SCAF8: variants seen among roughly 807,000 people sequenced by gnomAD.
The protein encoded by SCAF8 is SR-related CTD associated factor 8.
SCAF8 carries 23 observed loss-of-function variants against 140.5 expected under a neutral mutation model. The observed-to-expected ratio is 0.16, with a 90% CI of 0.12 to 0.23. The LOEUF (loss-of-function observed/expected upper bound fraction) is 0.23. Among genes scored for constraint, SCAF8 ranks in the 10% least tolerant of loss-of-function variants. The probability of loss-of-function intolerance (pLI) is 1.00; values close to 1 mark genes in which losing one functional copy is unlikely to be tolerated. For missense variants in SCAF8, 1,397 were observed against 1,555.7 expected (o/e 0.90, Z 1.72); for synonymous variants, 575 against 528.9 (o/e 1.09, Z -1.20).
At position 154,795,033 on chromosome 6, in the gene SCAF8, C is replaced by T. The variant is rs773735010; in HGVS notation, c.500C>T (p.Pro167Leu). 3.7e-6 allele frequency: 6 copies of T among 1,606,264 alleles called. No homozygotes were observed. Among genetic ancestry groups the T allele is most frequent in the Non-Finnish European group, 4.2e-6 (5 of 1,177,498 alleles). ...GGAACTCCTGTGACACCTGTTACTC[C>T]GGCCAATGTGGTCCAAGGCTTACCT... ...TPGTPVTPVT[P>L]ANVVQGLPDP... Residue 167 changes from proline to leucine, a missense_variant, in exon 6 of 20, where the codon CCG becomes CTG. Coordinates refer to ENST00000367178, the MANE Select transcript of SCAF8 (RefSeq NM_014892.5).
intron 1 of SCAF8, among the ~76,000 whole-genome samples, chr6:154,741,792 T>C (rs1466122221): frequency 6.6e-6 from 1 of 152,206 alleles, no homozygotes; most frequent in Non-Finnish European, 1.5e-5. Context: ...AGATATCTCT[T>C]TCTAAGGCCA....
At chr6:154,747,776 A>T (rs1045790576) in intron 1 of SCAF8, among the ~76,000 whole-genome samples, 1 of 150,946 alleles carries the variant, frequency 6.6e-6, no homozygotes, top group African/African-American at 2.4e-5. Flanking sequence ...CATTTAACAC[A>T]TTTTTTTTTG....
At chr6:154,827,320 C>A in intron 18 of SCAF8, 80 bp downstream of exon 18, 6 of 903,808 alleles carry the variant, frequency 6.6e-6, no homozygotes, top group Non-Finnish European at 8.5e-6. Flanking sequence ...TTGTGAATTA[C>A]CGTTAATATT....
intron 1 of SCAF8, among the ~76,000 whole-genome samples, chr6:154,771,057 T>C (rs1481820235): frequency 6.6e-6 from 1 of 152,194 alleles, no homozygotes; most frequent in African/African-American, 2.4e-5. Context: ...GGTTAAACTC[T>C]TACTAAGTTA....
At chr6:154,754,061 G>A (rs144904983) in intron 1 of SCAF8, among the ~76,000 whole-genome samples, 11 of 152,316 alleles carry the variant, frequency 7.2e-5, no homozygotes, top group African/African-American at 2.6e-4. Context: ...TTAGCCATTA[G>A]GAGAAAGGTG....
intron 5 of SCAF8, 56 bp from the exon 6 acceptor site, chr6:154,794,953 A>C: frequency 6.8e-7 from 1 of 1,460,050 alleles, no homozygotes; most frequent in Admixed American, 2.3e-5. Flanking sequence ...TGCTTTTTCT[A>C]GTCTTAGTTA....
chr6:154,779,686 A>C (rs1777025525), intron 3 of SCAF8, among the ~76,000 whole-genome samples: 1 of 152,120 alleles, frequency 6.6e-6, no homozygotes, highest in Admixed American at 6.6e-5. Flanking sequence ...TATGGGGAAA[A>C]ACTTAAATGC....
At chr6:154,781,170 C>A (rs1408364045) in intron 3 of SCAF8, among the ~76,000 whole-genome samples, 1 of 152,104 alleles carries the variant, frequency 6.6e-6, no homozygotes, top group Non-Finnish European at 1.5e-5. Context: ...GCAAAAATCA[C>A]AAGCATTCCT....
rs118161680 is a variant in SCAF8 at position 154,781,551 on chromosome 6, A to G, written c.159+3506A>G. 7.7e-3 allele frequency among the ~76,000 whole-genome samples: 1,166 copies of G among 152,370 alleles called. 64 individuals are homozygous for G. In the East Asian group the frequency reaches 0.14, roughly 19 times the overall value. ...GCGAAGACAGTCTTAAGCAAAAAGA[A>G]CAAAGCTGGAGGCATTGCACTACCT... is the stretch of plus-strand genomic sequence containing the variant. On this transcript the variant is annotated intron_variant, in intron 3 of 19. Coordinates refer to ENST00000367178, the MANE Select transcript of SCAF8 (RefSeq NM_014892.5).
chr6:154,779,781 GTA>G (rs59234248), intron 3 of SCAF8, among the ~76,000 whole-genome samples: 22,369 of 143,662 alleles, frequency 0.16, 1,853 homozygotes, highest in South Asian at 0.27. Flanking sequence ...GTGTGTGTGT[GTA>G]TATATATATA....
At chr6:154,807,732 A>G (rs1239679100) in intron 9 of SCAF8, among the ~76,000 whole-genome samples, 5 of 152,172 alleles carry the variant, frequency 3.3e-5, no homozygotes, top group African/African-American at 1.2e-4. Context: ...GAAAATCTAG[A>G]TTCATTTAAC....
chr6:154,797,871 T>A (rs1410754545), intron 6 of SCAF8, among the ~76,000 whole-genome samples: 1 of 151,602 alleles, frequency 6.6e-6, no homozygotes, highest in African/African-American at 2.4e-5. Flanking sequence ...TCTAAATTAA[T>A]GTAAGTATTC....
chr6:154,831,582 G>C (rs1337078857), intron 19 of SCAF8, among the ~76,000 whole-genome samples: 1 of 151,648 alleles, frequency 6.6e-6, no homozygotes, highest in Non-Finnish European at 1.5e-5. Flanking sequence ...CCCACTGTTG[G>C]TACATTAAGA....
At chr6:154,796,389 C>CTCTCTCTCTCTCTCTCTCTGTCTGTCTG (rs376622207) in intron 6 of SCAF8, among the ~76,000 whole-genome samples, 105 of 141,052 alleles carry the variant, frequency 7.4e-4, no homozygotes, top group African/African-American at 2.7e-3. Flanking sequence ...CTCTCTCTCT[C>CTCTCTCTCTCTCTCTCTCTGTCTGTCTG]TCTGTCTCTC....
At chr6:154,811,891 G>C (rs1778102515) in intron 12 of SCAF8, among the ~76,000 whole-genome samples, 2 of 152,098 alleles carry the variant, frequency 1.3e-5, no homozygotes, top group Admixed American at 1.3e-4. Context: ...TGGCTGCATA[G>C]TATTCCATAG....
At position 154,754,759 on chromosome 6, in the gene SCAF8, C is replaced by T. The variant is rs1392283035; in HGVS notation, c.31-19230C>T. On this transcript the variant is annotated intron_variant, in intron 1 of 19. Coordinates refer to ENST00000367178, the MANE Select transcript of SCAF8 (RefSeq NM_014892.5). ...TGTAGGCTCTTCTTCTACTTATTCT[C>T]CCTTTGTTATTTAGTTTTCAGTATT... Among the ~76,000 whole-genome samples, 6 of 152,128 alleles carry T rather than the reference C, an allele frequency of 3.9e-5. No individual in the cohort carries two copies. In the East Asian group the frequency reaches 1.2e-3, roughly 29 times the overall value.
At chr6:154,801,688 T>C (rs929940085) in intron 6 of SCAF8, among the ~76,000 whole-genome samples, 5 of 151,486 alleles carry the variant, frequency 3.3e-5, no homozygotes, top group African/African-American at 9.7e-5. Flanking sequence ...GTAGAGAAAT[T>C]TAGTGAAAAA....
chr6:154,738,845 A>G (rs567778299), intron 1 of SCAF8, among the ~76,000 whole-genome samples: 2 of 152,308 alleles, frequency 1.3e-5, no homozygotes, highest in South Asian at 4.1e-4. Flanking sequence ...AAGAATGATC[A>G]CTATGTGGAG....
rs554820812 is a variant in SCAF8, at chr6:154,751,784, A to C, written c.30+17854A>C. ...AGAGGAGTGGGAATTGGTAATTCTT[A>C]ATAGATTATTAATATTTCATGTTAA... On this transcript the variant is annotated intron_variant, in intron 1 of 19. Transcript: ENST00000367178. 1.7e-4 allele frequency among the ~76,000 whole-genome samples: 26 copies of C among 152,250 alleles called. 1 individual carries two copies. Among genetic ancestry groups the C allele is most frequent in the African/African-American group, 5.8e-4 (24 of 41,548 alleles).
Sources: gnomAD v4.1 joint callset for allele counts (sites outside exome capture counted in the v4.1 genomes callset) on GRCh38, gnomAD v4.1.1 for gene constraint, MANE v1.5 for transcripts, NCBI Gene and HGNC (gene_info 2026-07-23, HGNC 2026-07-21) for gene names.